WNT2B: variants seen among roughly 807,000 people sequenced by gnomAD.
The protein encoded by WNT2B is Wnt family member 2B, also known as protein Wnt-2b.
Under a neutral mutation model 40.5 loss-of-function variants are expected in WNT2B, and 19 were observed. The ratio of observed to expected loss-of-function variants is 0.47; its 90% confidence interval spans 0.33 to 0.69. The LOEUF (loss-of-function observed/expected upper bound fraction) is 0.69. Ranked by LOEUF, WNT2B falls within the 30% of genes least tolerant of loss-of-function variation. WNT2B has a pLI of 0.02. For synonymous variants in WNT2B, 220 were observed against 211.9 expected (o/e 1.04, Z -0.33); for missense variants, 467 against 556.4 (o/e 0.84, Z 1.62).
chr1:112,486,519 A>C (rs2101060831), intron 1 of WNT2B, among the ~76,000 whole-genome samples: 1 of 152,280 alleles, frequency 6.6e-6, no homozygotes, highest in Non-Finnish European at 1.5e-5. Context: ...ACTTTATCAA[A>C]ATTTAAAACT....
intron 1 of WNT2B, 116 bp from the exon 2 acceptor site, chr1:112,514,758 A>G: frequency 1.1e-6 from 1 of 909,186 alleles, no homozygotes; most frequent in Non-Finnish European, 1.8e-6. Context: ...AATGTGGGTT[A>G]GGGAGAGGGG....
chr1:112,515,204 A>C lies in WNT2B; in HGVS notation c.403+110A>C, dbSNP rs1371116067. 7.7e-7 allele frequency: 1 copy of C among 1,293,538 alleles called. No individual in the cohort carries two copies. Among genetic ancestry groups the C allele is most frequent in the East Asian group, 2.5e-5 (1 of 39,380 alleles). The allele number at this position is 1,293,538 out of a possible 1,614,324, so 80.1% of individuals were successfully genotyped here. ...CTCCTCTCCCACACACTGTTTCATC[A>C]TCAGAGAAAGAACTGTGGGCAGAGC... is the stretch of plus-strand genomic sequence containing the variant. On this transcript the variant is annotated intron_variant, in intron 2 of 4. Transcript: ENST00000369684. This position sits in a 1 kb window ranked among gnomAD's most constrained non-coding sequence, Gnocchi z 4.4.
At chr1:112,491,180 C>T (rs1475226065) in intron 1 of WNT2B, 15 of 1,179,652 alleles carry the variant, frequency 1.3e-5, no homozygotes, top group African/African-American at 3.0e-5. Flanking sequence ...GAGGCTGAGG[C>T]GGGTGGATCA....
intron 1 of WNT2B, among the ~76,000 whole-genome samples, chr1:112,479,082 G>T (rs530937587): frequency 6.6e-6 from 1 of 151,934 alleles, no homozygotes; most frequent in Non-Finnish European, 1.5e-5. Flanking sequence ...TTAGCTGGGC[G>T]TAGTGGTACA....
intron 1 of WNT2B, among the ~76,000 whole-genome samples, chr1:112,503,318 T>C (rs1388268819): frequency 6.6e-6 from 1 of 152,058 alleles, no homozygotes; most frequent in Admixed American, 6.5e-5. Context: ...AACTGAGGCC[T>C]GAAGTGGGAA....
intron 1 of WNT2B, among the ~76,000 whole-genome samples, chr1:112,498,974 G>A (rs1346414911): frequency 2.6e-5 from 4 of 152,138 alleles, no homozygotes; most frequent in Admixed American, 2.0e-4. Context: ...TTGGGAGGCC[G>A]AGGCAGGTGG....
intron 1 of WNT2B, among the ~76,000 whole-genome samples, chr1:112,494,842 G>A (rs1651714536): frequency 6.6e-6 from 1 of 151,536 alleles, no homozygotes; most frequent in Non-Finnish European, 1.5e-5. Flanking sequence ...AGGAACAAGT[G>A]AAGGTAAAAC....
At chr1:112,491,055 G>A (rs1651586163) in intron 1 of WNT2B, 1 of 1,613,964 alleles carries the variant, frequency 6.2e-7, no homozygotes. Flanking sequence ...TACCTACACA[G>A]TCAGCGTTCA....
chr1:112,526,329 A>C lies in WNT2B; in HGVS notation c.*5820A>C. 6.5e-6 allele frequency: 3 copies of C among 462,574 alleles called. No individual in the cohort carries two copies. The highest frequency in any genetic ancestry group is 3.3e-5 in the East Asian group (1 of 30,410). 28.7% of individuals were successfully genotyped at this position (462,574 alleles called of 1,614,324 possible). A position where few individuals can be genotyped will look rare whatever the true frequency, so the allele number is the denominator to read the frequency against. ...TTAAACAACTCTGGCTCCTAATTCTACTCCTTTTTTCCCCTTCAGATTAAC... is the reference window on the plus strand; with the variant it reads ...TTAAACAACTCTGGCTCCTAATTCTCCTCCTTTTTTCCCCTTCAGATTAAC... On this transcript the variant is annotated 3_prime_UTR_variant, in exon 5 of 5. Coordinates refer to ENST00000369684, the MANE Select transcript of WNT2B (RefSeq NM_024494.3).
At chr1:112,478,200 C>T (rs1374723212) in intron 1 of WNT2B, among the ~76,000 whole-genome samples, 3 of 151,954 alleles carry the variant, frequency 2.0e-5, no homozygotes, top group African/African-American at 7.3e-5. Flanking sequence ...CACCACTGCA[C>T]TCCAGCCTGG....
chr1:112,471,461 C>G (rs1315704868), intron 1 of WNT2B, among the ~76,000 whole-genome samples: 3 of 152,198 alleles, frequency 2.0e-5, no homozygotes, highest in Admixed American at 2.0e-4. Context: ...CCTAGATGTT[C>G]TATTGGAGGT....
chr1:112,525,443 G>A lies in WNT2B; in HGVS notation c.*4934G>A, dbSNP rs1413653958. The A allele has an allele frequency of 2.0e-5, 3 of 152,704 alleles. No homozygotes were observed. The highest frequency in any genetic ancestry group is 2.9e-5 in the Non-Finnish European group (2 of 68,448). 9.5% of individuals were successfully genotyped at this position (152,704 alleles called of 1,614,324 possible). A position where few individuals can be genotyped will look rare whatever the true frequency, so the allele number is the denominator to read the frequency against. On this transcript the variant is annotated 3_prime_UTR_variant, in exon 5 of 5. Coordinates refer to ENST00000369684, the MANE Select transcript of WNT2B (RefSeq NM_024494.3). ...CCCTGTCCCTGACCTCAAAGGTAAA[G>A]GGATAGAAAAGAGAGGGCGTTGACA... is the stretch of plus-strand genomic sequence containing the variant.
At chr1:112,481,879 G>A (rs1182965480) in intron 1 of WNT2B, among the ~76,000 whole-genome samples, 1 of 151,942 alleles carries the variant, frequency 6.6e-6, no homozygotes, top group Non-Finnish European at 1.5e-5. Flanking sequence ...GGGCATGGTG[G>A]CTCACGTCTG....
At chr1:112,486,659 G>GA (rs60065863) in intron 1 of WNT2B, among the ~76,000 whole-genome samples, 20 of 146,032 alleles carry the variant, frequency 1.4e-4, no homozygotes, top group South Asian at 6.5e-4. Flanking sequence ...AAGTTAATAA[G>GA]AAAAAAAAAA....
At position 112,515,467 on chromosome 1, in the gene WNT2B, C is replaced by T. The variant is rs146525032; in HGVS notation, c.403+373C>T. ...CACCATCACTATCGTCACCCCAACA[C>T]TCCCAACACTACAGTAATGGGAACA... is the stretch of plus-strand genomic sequence containing the variant. On this transcript the variant is annotated intron_variant, in intron 2 of 4. Transcript: ENST00000369684. The surrounding 1 kb of genome is among the most constrained non-coding windows in gnomAD (Gnocchi z 4.4). 6.6e-6 allele frequency among the ~76,000 whole-genome samples: 1 copy of T among 151,008 alleles called. No individual in the cohort carries two copies. Among genetic ancestry groups the T allele is most frequent in the East Asian group, 1.9e-4 (1 of 5,190 alleles).
chr1:112,520,746 GA>G lies in WNT2B; in HGVS notation c.*239del. Reference sequence around the variant, plus strand: ...CCCTGATTTCCCGCTCTGGAGATTTGAAGGGAGAGTAGAAGAGATAGGGGGT... The same window carrying G: ...CCCTGATTTCCCGCTCTGGAGATTTGAGGGAGAGTAGAAGAGATAGGGGGT... On this transcript the variant is annotated 3_prime_UTR_variant, in exon 5 of 5. Transcript: ENST00000369684. The G allele has an allele frequency of 1.7e-6, 1 of 583,632 alleles. No individual in the cohort carries two copies. Among genetic ancestry groups the G allele is most frequent in the African/African-American group, 1.9e-5 (1 of 53,798 alleles). The allele number at this position is 583,632 out of a possible 1,614,324, so 36.2% of individuals were successfully genotyped here.
chr1:112,520,517 G>C lies in WNT2B; in HGVS notation c.*8G>C. 6.2e-7 allele frequency: 1 copy of C among 1,613,016 alleles called. No individual in the cohort carries two copies. Among genetic ancestry groups the C allele is most frequent in the South Asian group, 1.1e-5 (1 of 90,966 alleles). On this transcript the variant is annotated 3_prime_UTR_variant, in exon 5 of 5. Transcript: ENST00000369684. ...TGGCTGGACCAAACCTGAACACACA[G>C]ATACCTCACTCATCCCTCCAATTCA...
Position 112,518,438 on chromosome 1 carries a change from G to C in WNT2B, c.946+1053G>C, listed in dbSNP as rs537516521. 5 of 152,332 alleles carry C rather than the reference G, an allele frequency of 3.3e-5. No homozygotes were observed. In the East Asian group the frequency reaches 9.6e-4, roughly 29 times the overall value. 9.4% of individuals were successfully genotyped at this position (152,332 alleles called of 1,614,324 possible). ...ATTCCTGGAAGAGTCAAGTGGCTTG[G>C]AGTAAAACTGGGCACAGAAAAAGGG... On this transcript the variant is annotated intron_variant, in intron 4 of 4. Transcript: ENST00000369684.
Position 112,520,322 on chromosome 1 carries a change from A to G in WNT2B, c.989A>G (p.Lys330Arg). The change falls in exon 5 of 5, where the codon AAA becomes AGA. Residue 330 changes from lysine (K) to arginine (R), a missense_variant. Transcript: ENST00000369684. ...GGCCGTGTCTGCAGCAAGACATCAA[A>G]AGGAACAGACGGTTGTGAAATCATG... ...TAGRVCSKTS[K>R]GTDGCEIMCC... 6.2e-7 allele frequency: 1 copy of G among 1,614,150 alleles called. No homozygotes were observed. The highest frequency in any genetic ancestry group is 8.5e-7 in the Non-Finnish European group (1 of 1,180,010).
Sources: gnomAD v4.1 joint callset for allele counts (sites outside exome capture counted in the v4.1 genomes callset) on GRCh38, gnomAD v4.1.1 for gene constraint, Gnocchi (gnomAD v3.1) non-coding constraint, MANE v1.5 for transcripts, NCBI Gene and HGNC (gene_info 2026-07-23, HGNC 2026-07-21) for gene names.